CNTN5: variants seen among roughly 807,000 people sequenced by gnomAD.
The protein encoded by CNTN5 is contactin 5.
CNTN5 carries 77 observed loss-of-function variants against 129.1 expected under a neutral mutation model. The ratio of observed to expected loss-of-function variants is 0.60; its 90% CI spans 0.50 to 0.72. The LOEUF is 0.72. Ranked by LOEUF, CNTN5 falls within the 30% of genes least tolerant of loss-of-function variation. The pLI is 0.00. For missense variants in CNTN5, 1,478 were observed against 1,328.8 expected, an observed-to-expected ratio of 1.11 and a Z score of -1.75; for synonymous variants, 509 against 465.6, an observed-to-expected ratio of 1.09 and a Z score of -1.20.
At chr11:100,183,368 G>A (rs1295403272) in intron 13 of CNTN5, among the ~76,000 whole-genome samples, 1 of 151,942 alleles carries the variant, frequency 6.6e-6, no homozygotes, top group Non-Finnish European at 1.5e-5. Flanking sequence ...ACAGGTAAAT[G>A]GATAAACAAA....
intron 1 of CNTN5, among the ~76,000 whole-genome samples, chr11:99,080,536 G>A (rs1865749339): frequency 6.6e-6 from 1 of 152,150 alleles, no homozygotes; most frequent in African/African-American, 2.4e-5. Flanking sequence ...CAGAAGAGAA[G>A]GGGCAGATTC....
At chr11:99,879,816 C>T (rs1948725954) in intron 6 of CNTN5, among the ~76,000 whole-genome samples, 1 of 152,116 alleles carries the variant, frequency 6.6e-6, no homozygotes, top group African/African-American at 2.4e-5. Flanking sequence ...GGCCTAAGAT[C>T]GAGAGTGTGT....
chr11:100,070,827 T>C (rs1428699130), intron 11 of CNTN5, among the ~76,000 whole-genome samples: 4 of 152,136 alleles, frequency 2.6e-5, no homozygotes, highest in African/African-American at 4.8e-5. Context: ...CCTCATTACA[T>C]TTTTTGGTAA....
chr11:99,044,722 A>G (rs1864137760), intron 1 of CNTN5, among the ~76,000 whole-genome samples: 2 of 152,184 alleles, frequency 1.3e-5, no homozygotes, highest in South Asian at 4.1e-4. Flanking sequence ...GGGCGTGGCT[A>G]GAGAAAAGCC....
intron 2 of CNTN5, among the ~76,000 whole-genome samples, chr11:99,383,011 G>A (rs1416016232): frequency 6.6e-6 from 1 of 150,998 alleles, no homozygotes; most frequent in East Asian, 1.9e-4. Flanking sequence ...CGTCCACCAC[G>A]ACGGCCAGCT....
intron 1 of CNTN5, among the ~76,000 whole-genome samples, chr11:99,085,244 C>T (rs540309578): frequency 2.1e-5 from 3 of 143,606 alleles, no homozygotes; most frequent in African/African-American, 8.2e-5. Flanking sequence ...GGGGTTTTAC[C>T]ATGTTGGCCC....
chr11:100,123,037 T>C (rs1039909488), intron 13 of CNTN5, among the ~76,000 whole-genome samples: 1 of 152,030 alleles, frequency 6.6e-6, no homozygotes, highest in Non-Finnish European at 1.5e-5. Context: ...ATCAGAACTG[T>C]GAATTTGCTT....
At chr11:100,336,273 TTTAA>T (rs1952037258) in intron 21 of CNTN5, among the ~76,000 whole-genome samples, 1 of 152,244 alleles carries the variant, frequency 6.6e-6, no homozygotes, top group South Asian at 2.1e-4. Flanking sequence ...ATGGCAGCAT[TTTAA>T]TTAAAGGAGC....
At chr11:99,457,520 TA>T (rs1199075654) in intron 2 of CNTN5, among the ~76,000 whole-genome samples, 1 of 151,772 alleles carries the variant, frequency 6.6e-6, no homozygotes, top group Non-Finnish European at 1.5e-5. Flanking sequence ...TGTATGTGGA[TA>T]AAAAGAAGGA....
chr11:100,250,195 C>G (rs1207501414), intron 16 of CNTN5, among the ~76,000 whole-genome samples: 2 of 151,876 alleles, frequency 1.3e-5, no homozygotes, highest in Non-Finnish European at 2.9e-5. Flanking sequence ...TTTATTACCA[C>G]TCTAAACTTG....
intron 1 of CNTN5, among the ~76,000 whole-genome samples, chr11:99,306,509 A>G (rs1216794653): frequency 2.0e-5 from 3 of 152,124 alleles, no homozygotes; most frequent in African/African-American, 4.8e-5. Context: ...CACACTGTAG[A>G]TATTTCCAAT....
intron 1 of CNTN5, among the ~76,000 whole-genome samples, chr11:99,052,506 C>A (rs570816689): frequency 1.1e-4 from 16 of 151,880 alleles, no homozygotes; most frequent in African/African-American, 3.6e-4. Context: ...GGCTATATAG[C>A]GCAGGTACAT....
chr11:99,971,565 C>CAA (rs746820825), intron 8 of CNTN5, among the ~76,000 whole-genome samples: 2 of 148,608 alleles, frequency 1.3e-5, no homozygotes, highest in Non-Finnish European at 3.0e-5. Context: ...AAAAAACAAA[C>CAA]AAACAAAAAA....
rs367851451 is a variant in CNTN5, at chr11:100,148,955, T to G, written c.1581-42171T>G. 4.0e-4 allele frequency among the ~76,000 whole-genome samples: 61 copies of G among 152,246 alleles called. 1 individual carries two copies. In the East Asian group the frequency reaches 5.4e-3, roughly 13 times the overall value. On this transcript the variant is annotated intron_variant, in intron 13 of 24. Coordinates refer to ENST00000524871, the MANE Select transcript of CNTN5 (RefSeq NM_014361.4). The stretch of plus-strand genomic sequence containing the variant: ...CTGAATTTATAATTCTTAAAGAACT[T>G]GATGAACATATTAGTCGAACAAAAT...
chr11:99,737,163 GCA>G (rs1195366868), intron 3 of CNTN5, among the ~76,000 whole-genome samples: 1 of 149,546 alleles, frequency 6.7e-6, no homozygotes, highest in Non-Finnish European at 1.5e-5. Flanking sequence ...ACACACACAC[GCA>G]CACGCACACA....
chr11:100,151,785 A>G (rs780321917), intron 13 of CNTN5, among the ~76,000 whole-genome samples: 14 of 152,078 alleles, frequency 9.2e-5, no homozygotes, highest in Non-Finnish European at 1.3e-4. Flanking sequence ...TGCTACTTAT[A>G]CTTTTTTTGT....
chr11:99,662,772 T>G (rs1222396117), intron 3 of CNTN5, among the ~76,000 whole-genome samples: 1 of 152,150 alleles, frequency 6.6e-6, no homozygotes. Context: ...AGCAGCAGCA[T>G]CACCAGGGCA....
intron 3 of CNTN5, among the ~76,000 whole-genome samples, chr11:99,608,879 T>C (rs1395858117): frequency 1.3e-5 from 2 of 152,222 alleles, no homozygotes; most frequent in Non-Finnish European, 2.9e-5. Context: ...GTTCATTAAG[T>C]GGCGATCATA....
intron 3 of CNTN5, among the ~76,000 whole-genome samples, chr11:99,679,250 TAAA>T (rs1648441116): frequency 1.3e-5 from 2 of 150,098 alleles, no homozygotes; most frequent in Non-Finnish European, 3.0e-5. Context: ...ATATGTTCCT[TAAA>T]AAGGGTGAAA....
Sources: gnomAD v4.1 joint callset for allele counts (sites outside exome capture counted in the v4.1 genomes callset) on GRCh38, gnomAD v4.1.1 for gene constraint, MANE v1.5 for transcripts, NCBI Gene and HGNC (gene_info 2026-07-23, HGNC 2026-07-21) for gene names.